GRIN3A: variants seen among roughly 807,000 people sequenced by gnomAD.
GRIN3A encodes glutamate receptor ionotropic, NMDA 3A.
GRIN3A carries 47 observed loss-of-function variants against 92.4 expected under a neutral mutation model. That is an observed-to-expected ratio of 0.51 (90% CI 0.40 to 0.65). The LOEUF is 0.65. Ranked by LOEUF, GRIN3A falls within the 30% of genes least tolerant of loss-of-function variation. GRIN3A has a pLI of 0.00. For synonymous variants in GRIN3A, 527 were observed against 540.6 expected (o/e 0.97, Z 0.35); for missense variants, 1,324 against 1,393.1 (o/e 0.95, Z 0.79).
At chr9:101,585,466 C>T (rs984366777) in intron 6 of GRIN3A, among the ~76,000 whole-genome samples, 12 of 152,102 alleles carry the variant, frequency 7.9e-5, no homozygotes, top group African/African-American at 1.7e-4. Flanking sequence ...AGGTAATGAA[C>T]GGACATTTCA....
At chr9:101,731,847 T>A (rs997620215) in intron 1 of GRIN3A, among the ~76,000 whole-genome samples, 2 of 152,202 alleles carry the variant, frequency 1.3e-5, no homozygotes, top group African/African-American at 4.8e-5. Context: ...TGTGATCTCA[T>A]AGAGAAAATA....
intron 4 of GRIN3A, among the ~76,000 whole-genome samples, chr9:101,627,830 T>C (rs567952746): frequency 6.6e-6 from 1 of 152,186 alleles, no homozygotes; most frequent in Non-Finnish European, 1.5e-5. Context: ...CATTTCCTCA[T>C]GGCAAGAGGA....
At chr9:101,690,706 T>C (rs989298765) in intron 1 of GRIN3A, among the ~76,000 whole-genome samples, 31 of 152,252 alleles carry the variant, frequency 2.0e-4, no homozygotes, top group Non-Finnish European at 3.7e-4. Flanking sequence ...TGGAGGATAT[T>C]AGAACACATT....
At chr9:101,629,789 C>T (rs1361806154) in intron 3 of GRIN3A, among the ~76,000 whole-genome samples, 6 of 152,150 alleles carry the variant, frequency 3.9e-5, no homozygotes, top group African/African-American at 1.4e-4. Flanking sequence ...GTTGTTACTT[C>T]CTCTTAGGGA....
At chr9:101,646,934 C>A (rs1273299813) in intron 3 of GRIN3A, among the ~76,000 whole-genome samples, 3 of 150,448 alleles carry the variant, frequency 2.0e-5, no homozygotes, top group Non-Finnish European at 4.4e-5. Flanking sequence ...AAAAAAAAAT[C>A]TGTGAAAAAG....
intron 3 of GRIN3A, among the ~76,000 whole-genome samples, chr9:101,653,552 T>A (rs1829039957): frequency 1.3e-5 from 2 of 151,926 alleles, no homozygotes; most frequent in Admixed American, 6.6e-5. Context: ...AAATACTTTT[T>A]AAAATAATGT....
At chr9:101,625,278 A>G (rs1168771787) in intron 4 of GRIN3A, among the ~76,000 whole-genome samples, 1 of 152,202 alleles carries the variant, frequency 6.6e-6, no homozygotes, top group Non-Finnish European at 1.5e-5. Flanking sequence ...ACTCTTTTCT[A>G]TCCCTTCTGG....
intron 8 of GRIN3A, among the ~76,000 whole-genome samples, chr9:101,576,955 A>G (rs1488124962): frequency 6.6e-6 from 1 of 152,178 alleles, no homozygotes; most frequent in African/African-American, 2.4e-5. Context: ...CTGGGTGTAC[A>G]AAAGAATCAG....
Position 101,594,882 on chromosome 9 carries a change from G to A in GRIN3A, c.2767-15522C>T, listed in dbSNP as rs1371106344. ...CTTTTAATTTCATCATTGTCAAAGT[G>A]GGAGCACATCTCCGCCGGGTAACTG... On this transcript the variant is annotated intron_variant, in intron 6 of 8. Coordinates refer to ENST00000361820, the MANE Select transcript of GRIN3A (RefSeq NM_133445.3). 2.5e-6 allele frequency: 4 copies of A among 1,601,386 alleles called. No homozygotes were observed. In the African/African-American group the frequency reaches 4.0e-5, roughly 16 times the overall value.
At chr9:101,617,342 G>A (rs1166245746) in intron 5 of GRIN3A, among the ~76,000 whole-genome samples, 1 of 151,918 alleles carries the variant, frequency 6.6e-6, no homozygotes, top group African/African-American at 2.4e-5. Flanking sequence ...TGATAAGAAA[G>A]TTTTAAATTC....
intron 1 of GRIN3A, among the ~76,000 whole-genome samples, chr9:101,709,301 T>C (rs1333826946): frequency 6.6e-6 from 1 of 152,216 alleles, no homozygotes; most frequent in East Asian, 1.9e-4. Context: ...CTTCAGATGA[T>C]AATAAATACA....
chr9:101,649,218 A>C (rs897581769), intron 3 of GRIN3A, among the ~76,000 whole-genome samples: 3 of 152,042 alleles, frequency 2.0e-5, no homozygotes, highest in Middle Eastern at 3.4e-3. Flanking sequence ...AGGCCAGGAG[A>C]GTTCTCCATG....
chr9:101,646,226 A>G lies in GRIN3A; in HGVS notation c.2353-17825T>C, dbSNP rs74582746. Among the ~76,000 whole-genome samples the G allele has an allele frequency of 4.5e-3, 681 of 151,786 alleles. 3 individuals are homozygous for G. Among genetic ancestry groups the G allele is most frequent in the African/African-American group, 0.015 (624 of 41,478 alleles). On this transcript the variant is annotated intron_variant, in intron 3 of 8. Transcript: ENST00000361820. ...TCAGGTCTTATATGTAAGTCTTTAA[A>G]CCATTTTGATTTGACTTTTGTATAA...
chr9:101,668,628 C>G (rs1206941149), intron 3 of GRIN3A, among the ~76,000 whole-genome samples: 2 of 152,100 alleles, frequency 1.3e-5, no homozygotes, highest in Non-Finnish European at 2.9e-5. Flanking sequence ...CACTGAATTC[C>G]AGCTCCTAAC....
At chr9:101,687,835 G>C (rs1408985533) in intron 1 of GRIN3A, among the ~76,000 whole-genome samples, 1 of 152,142 alleles carries the variant, frequency 6.6e-6, no homozygotes, top group Non-Finnish European at 1.5e-5. Flanking sequence ...TTCTTGCTGT[G>C]AAAAGTGAAA....
intron 1 of GRIN3A, among the ~76,000 whole-genome samples, chr9:101,699,704 C>A (rs1829730994): frequency 6.6e-6 from 1 of 152,300 alleles, no homozygotes; most frequent in Non-Finnish European, 1.5e-5. Flanking sequence ...TCACAGCAGA[C>A]TGTTATATAT....
At chr9:101,595,311 ACTTATT>A (rs1828108842) in intron 6 of GRIN3A, among the ~76,000 whole-genome samples, 1 of 131,962 alleles carries the variant, frequency 7.6e-6, no homozygotes, top group African/African-American at 2.8e-5. Flanking sequence ...TATTTTATCT[ACTTATT>A]TCTTTTTTTT....
intron 1 of GRIN3A, among the ~76,000 whole-genome samples, chr9:101,734,894 C>A (rs183511780): frequency 3.3e-5 from 5 of 152,022 alleles, no homozygotes; most frequent in Admixed American, 3.3e-4. Context: ...GGGCAGTAGA[C>A]TCCGAGGATG....
At chr9:101,727,037 CA>C in intron 1 of GRIN3A, among the ~76,000 whole-genome samples, 1 of 152,122 alleles carries the variant, frequency 6.6e-6, no homozygotes, top group East Asian at 1.9e-4. Flanking sequence ...GACGGTGTCA[CA>C]AAACTCAAGT....
Sources: gnomAD v4.1 joint callset for allele counts (sites outside exome capture counted in the v4.1 genomes callset) on GRCh38, gnomAD v4.1.1 for gene constraint, MANE v1.5 for transcripts, NCBI Gene and HGNC (gene_info 2026-07-23, HGNC 2026-07-21) for gene names.